Variants in LCP1 observed in about 807,000 individuals in gnomAD.
The protein encoded by LCP1 is lymphocyte cytosolic protein 1.
In LCP1, 23 loss-of-function variants were observed where a neutral mutation model predicts 72.0. The observed-to-expected ratio is 0.32, with a 90% CI of 0.23 to 0.45. The LOEUF is 0.45. Ranked by LOEUF, LCP1 falls within the 20% of genes least tolerant of loss-of-function variation. The pLI is 1.00. For synonymous variants in LCP1, 245 were observed against 275.4 expected, an observed-to-expected ratio of 0.89 and a Z score of 1.09; for missense variants, 571 against 748.3, an observed-to-expected ratio of 0.76 and a Z score of 2.76.
At chr13:46,161,755 T>A (rs1194660619) in intron 1 of LCP1, among the ~76,000 whole-genome samples, 1 of 152,232 alleles carries the variant, frequency 6.6e-6, no homozygotes, top group Non-Finnish European at 1.5e-5. Context: ...CGGGAGGAAC[T>A]CTAATACTTA....
In LCP1 at chr13:46,158,820, A is replaced by G. The variant is rs776733619; in HGVS notation, c.228+6T>C. 3.1e-6 allele frequency: 5 copies of G among 1,613,958 alleles called. No individual in the cohort carries two copies. In the South Asian group the frequency reaches 5.5e-5, roughly 18 times the overall value. ...TGTGTCTCCTTGTATTCTGCATGGT[A>G]CTCACCTTGATAAACTCATCAAAGC... On this transcript the variant is annotated splice_donor_region_variant and intron_variant, in intron 3 of 15. Coordinates refer to ENST00000323076, the MANE Select transcript of LCP1 (RefSeq NM_002298.5).
intron 3 of LCP1, 62 bp downstream of exon 3, chr13:46,158,764 T>C (rs1227034051): frequency 6.2e-7 from 1 of 1,603,262 alleles, no homozygotes; most frequent in African/African-American, 1.3e-5. Flanking sequence ...TGGATATTTT[T>C]TAAAACAGAA....
At chr13:46,158,333 G>A (rs1172464530) in intron 4 of LCP1, among the ~76,000 whole-genome samples, 189 bp downstream of exon 4, 2 of 152,126 alleles carry the variant, frequency 1.3e-5, no homozygotes, top group Non-Finnish European at 2.9e-5. Flanking sequence ...ATTTTGTATT[G>A]GACCCTACCC....
rs1445696367 is a variant in LCP1 at position 46,149,667 on chromosome 13, C to T, written c.883-1220G>A. 2.6e-5 allele frequency among the ~76,000 whole-genome samples: 4 copies of T among 152,208 alleles called. No homozygotes were observed. In the East Asian group the frequency reaches 7.7e-4, roughly 29 times the overall value. ...TGCAGCGGCTGCCAGAGAACAGGCA[C>T]AACACTGTATAAGTAAGTGCTCATC... is the stretch of plus-strand genomic sequence containing the variant. On this transcript the variant is annotated intron_variant, in intron 8 of 15. Transcript: ENST00000323076.
intron 13 of LCP1, among the ~76,000 whole-genome samples, chr13:46,134,636 T>G (rs2045653210): frequency 6.6e-6 from 1 of 152,156 alleles, no homozygotes; most frequent in South Asian, 2.1e-4. Flanking sequence ...GCCTACATGA[T>G]AAAGAAAAAG....
chr13:46,133,966 G>A (rs2045648789), intron 14 of LCP1, among the ~76,000 whole-genome samples, 161 bp downstream of exon 14: 1 of 152,130 alleles, frequency 6.6e-6, no homozygotes, highest in Non-Finnish European at 1.5e-5. Context: ...TTAATGAAAT[G>A]GCTGATGAAC....
chr13:46,137,319 C>G (rs2045671144), intron 13 of LCP1, among the ~76,000 whole-genome samples: 1 of 152,038 alleles, frequency 6.6e-6, no homozygotes, highest in Non-Finnish European at 1.5e-5. Flanking sequence ...GGGCGGATCA[C>G]CTGAGGTCAG....
rs1018960357 is a variant in LCP1 at position 46,158,519 on chromosome 13, T to C, written c.358+3A>G. The C allele has an allele frequency of 1.3e-5, 21 of 1,613,336 alleles. No homozygotes were observed. Among genetic ancestry groups the C allele is most frequent in the Non-Finnish European group, 1.7e-5 (20 of 1,179,796 alleles). ...CCTGCTCCAACCCAGGAGTTGAGCC[T>C]ACCTGAATAGGAGTGTTGGGTGCCA... On this transcript the variant is annotated splice_donor_region_variant and intron_variant, in intron 4 of 15. Transcript: ENST00000323076.
At chr13:46,174,487 A>T (rs907485471) in intron 1 of LCP1, among the ~76,000 whole-genome samples, 3 of 152,182 alleles carry the variant, frequency 2.0e-5, no homozygotes, top group African/African-American at 7.2e-5. Context: ...TTATTTCTCA[A>T]ATATGTTTGG....
intron 1 of LCP1, among the ~76,000 whole-genome samples, chr13:46,178,642 G>A (rs953699132): frequency 2.0e-5 from 3 of 152,122 alleles, no homozygotes; most frequent in African/African-American, 7.2e-5. Context: ...ATATTTTGAT[G>A]TGTCCTAATT....
chr13:46,160,627 A>G (rs1345762748), intron 1 of LCP1, among the ~76,000 whole-genome samples: 2 of 152,184 alleles, frequency 1.3e-5, no homozygotes, highest in Non-Finnish European at 2.9e-5. Flanking sequence ...GCTGAGAAAC[A>G]GTGCTTGAGT....
intron 10 of LCP1, among the ~76,000 whole-genome samples, chr13:46,145,036 A>G (rs1212002933): frequency 6.6e-6 from 1 of 152,166 alleles, no homozygotes; most frequent in Non-Finnish European, 1.5e-5. Flanking sequence ...ATAAATATGC[A>G]TACAAAGGGA....
Position 46,127,599 on chromosome 13 carries a change from T to A in LCP1, c.1876A>T (p.Arg626Trp). 1 of 1,614,136 alleles carries A rather than the reference T, an allele frequency of 6.2e-7. No individual in the cohort carries two copies. Among genetic ancestry groups the A allele is most frequent in the African/African-American group, 1.3e-5 (1 of 75,036 alleles). The change falls in exon 16 of 16, where the codon AGG (arginine) becomes TGG (tryptophan). Residue 626 changes from arginine (R) to tryptophan (W), a missense_variant. Physicochemically the swap from Arg to Trp is moderately radical, Grantham distance 101 (BLOSUM62 -3). Transcript: ENST00000323076. ...FACLMGKGMK[R>W]V is the part of the protein sequence containing the mutation. ...CCCAGCCCCATTGGGCCTCACACCC[T>A]CTTCATTCCTTTCCCCATGAGGCAG...
At position 46,130,849 on chromosome 13, in the gene LCP1, T is replaced by G; in HGVS notation, c.1716A>C (p.Glu572Asp). ...TGAGTTTCTCATCATCATTCAGATT[T>G]TCTGTCTTCAGAAGGTCATAGTTAA... ...GSINYDLLKT[E>D]NLNDDEKLNN... The change falls in exon 15 of 16, where the codon GAA becomes GAC. Residue 572 changes from glutamate to aspartate, a missense_variant. Physicochemically the swap from Glu to Asp is conservative, Grantham distance 45. Coordinates refer to ENST00000323076, the MANE Select transcript of LCP1 (RefSeq NM_002298.5). 1 of 1,613,490 alleles carries G rather than the reference T, an allele frequency of 6.2e-7. No individual in the cohort carries two copies.
At chr13:46,173,090 C>G (rs1166168151) in intron 1 of LCP1, among the ~76,000 whole-genome samples, 1 of 151,750 alleles carries the variant, frequency 6.6e-6, no homozygotes, top group Non-Finnish European at 1.5e-5. Flanking sequence ...ATCTAGGATA[C>G]AGGGATACAC....
At position 46,162,448 on chromosome 13, in the gene LCP1, C is replaced by G. The variant is rs1013484572; in HGVS notation, c.-24-2762G>C. 3.9e-5 allele frequency among the ~76,000 whole-genome samples: 6 copies of G among 152,026 alleles called. No individual in the cohort carries two copies. The South Asian group carries it at 1.2e-3, about 32-fold the overall frequency. On this transcript the variant is annotated intron_variant, in intron 1 of 15. Transcript: ENST00000323076. ...CCAAGTGCCTGCGATTGCAGGCGCGCGCCTCCAGGCCTGACTCGTTTTCGT... is the reference window on the plus strand; with the variant it reads ...CCAAGTGCCTGCGATTGCAGGCGCGGGCCTCCAGGCCTGACTCGTTTTCGT...
chr13:46,142,633 C>A, intron 12 of LCP1: 2 of 594,142 alleles, frequency 3.4e-6, no homozygotes, highest in East Asian at 3.1e-5. Context: ...AAAAAATATT[C>A]ATAATGTGGA....
intron 8 of LCP1, 48 bp from the exon 9 acceptor site, chr13:46,148,495 C>T: frequency 9.2e-7 from 1 of 1,091,020 alleles, no homozygotes; most frequent in Non-Finnish European, 1.4e-6. Flanking sequence ...CAGCTAATTA[C>T]ATACTTAGCA....
chr13:46,156,339 G>A, intron 5 of LCP1, 99 bp downstream of exon 5: 1 of 1,408,560 alleles, frequency 7.1e-7, no homozygotes. Context: ...AGGTGCAGCT[G>A]AGCACCAAAC....
Sources: gnomAD v4.1 joint callset for allele counts (sites outside exome capture counted in the v4.1 genomes callset) on GRCh38, gnomAD v4.1.1 for gene constraint, MANE v1.5 for transcripts, NCBI Gene and HGNC (gene_info 2026-07-23, HGNC 2026-07-21) for gene names.